The following PTGER3 variants were observed in gnomAD, a reference collection of about 807,000 sequenced individuals.
PTGER3 encodes prostaglandin E2 receptor EP3 subtype.
PTGER3 carries 22 observed loss-of-function variants against 34.7 expected under a neutral mutation model. The ratio of observed to expected loss-of-function variants is 0.63; its 90% confidence interval spans 0.45 to 0.91. The LOEUF (loss-of-function observed/expected upper bound fraction) is 0.91. PTGER3 is among the 40% of genes least tolerant of loss of function. The probability of loss-of-function intolerance (pLI) is 0.00; values close to 1 mark genes in which losing one functional copy is unlikely to be tolerated. For missense variants in PTGER3, 468 were observed against 519.4 expected (o/e 0.90, Z 0.96); for synonymous variants, 241 against 230.1 (o/e 1.05, Z -0.43).
At chr1:71,021,862 C>A (rs1658452962) in intron 1 of PTGER3, among the ~76,000 whole-genome samples, 1 of 151,734 alleles carries the variant, frequency 6.6e-6, no homozygotes. Context: ...ATGGACCATC[C>A]TTCATATGCA....
At chr1:70,950,514 G>A (rs980304360), downstream of PTGER3, among the ~76,000 whole-genome samples, 1 of 152,160 alleles carries the variant, frequency 6.6e-6, no homozygotes, top group Admixed American at 6.6e-5. Context: ...AGGAGCAAGC[G>A]TATTGGCAAT....
chr1:71,028,326 A>C (rs1404298796), intron 1 of PTGER3, among the ~76,000 whole-genome samples: 3 of 152,198 alleles, frequency 2.0e-5, no homozygotes, highest in African/African-American at 7.2e-5. Context: ...ACTTGCGGGG[A>C]ACAAGCCGTA....
chr1:70,983,935 G>A (rs554086341), intron 2 of PTGER3, among the ~76,000 whole-genome samples: 1 of 152,222 alleles, frequency 6.6e-6, no homozygotes, highest in South Asian at 2.1e-4. Context: ...TTCCTGAAAG[G>A]TCCTAGTCCC....
At chr1:70,989,299 T>C (rs1288406315) in intron 2 of PTGER3, among the ~76,000 whole-genome samples, 2 of 152,124 alleles carry the variant, frequency 1.3e-5, no homozygotes, top group Non-Finnish European at 2.9e-5. Context: ...GAAGTTGGGA[T>C]AATCAAATAA....
chr1:70,945,658 C>T (rs1168565442), intron 4 of PTGER3, among the ~76,000 whole-genome samples: 1 of 152,056 alleles, frequency 6.6e-6, no homozygotes, highest in African/African-American at 2.4e-5. Flanking sequence ...ACTCATAAAA[C>T]AGCCATTCCT....
intron 2 of PTGER3, among the ~76,000 whole-genome samples, chr1:70,998,710 T>C (rs141515633): frequency 6.6e-6 from 1 of 152,208 alleles, no homozygotes; most frequent in Non-Finnish European, 1.5e-5. Flanking sequence ...ATTTCTCAAA[T>C]ACATCACAGT....
intron 4 of PTGER3, among the ~76,000 whole-genome samples, chr1:70,905,931 TTGCCACA>T (rs1646937881): frequency 6.6e-6 from 1 of 152,202 alleles, no homozygotes; most frequent in Non-Finnish European, 1.5e-5. Flanking sequence ...ACTCTCACAA[TTGCCACA>T]TGTCATGGGA....
At chr1:70,920,726 A>G (rs1288102906) in intron 4 of PTGER3, among the ~76,000 whole-genome samples, 1 of 152,216 alleles carries the variant, frequency 6.6e-6, no homozygotes, top group Non-Finnish European at 1.5e-5. Context: ...AGCATGTCCT[A>G]AGAACAAGGT....
At chr1:70,866,248 C>T (rs548853650) in intron 4 of PTGER3, among the ~76,000 whole-genome samples, 2 of 152,308 alleles carry the variant, frequency 1.3e-5, no homozygotes, top group East Asian at 3.9e-4. Flanking sequence ...ATCATTAAGA[C>T]TTCCTCAGAA....
rs140380968 is a variant in PTGER3 at position 70,863,024 on chromosome 1, T to C, written c.*24-10165A>G. ...TCGGAGACACTTGTAGGATGTAAAG[T>C]CAAGAGGATTGGTGGTAGGTTATTT... On this transcript the variant is annotated intron_variant, in intron 4 of 4. Transcript: ENST00000370931. Among the ~76,000 whole-genome samples, 244 of 151,870 alleles carry C rather than the reference T, an allele frequency of 1.6e-3. 2 individuals carry two copies. Among genetic ancestry groups the C allele is most frequent in the African/African-American group, 5.3e-3 (221 of 41,414 alleles).
At chr1:70,856,477 C>T (rs953847596) in intron 4 of PTGER3, among the ~76,000 whole-genome samples, 1 of 142,168 alleles carries the variant, frequency 7.0e-6, no homozygotes, top group Non-Finnish European at 1.5e-5. Context: ...TTGATAGTAA[C>T]ATCAGCATCA....
intron 4 of PTGER3, among the ~76,000 whole-genome samples, chr1:70,913,886 A>G (rs1310714624): frequency 1.3e-5 from 2 of 151,816 alleles, no homozygotes; most frequent in African/African-American, 4.8e-5. Flanking sequence ...AATTTAACAA[A>G]AATGTTTGTG....
chr1:70,933,619 C>T lies in PTGER3; in HGVS notation c.*23+20144G>A, dbSNP rs533261578. ...GTACCAAATAAACAGTTGCTGGGAA[C>T]ATGAAGGGAGAAAGTGACTACTTCA... On this transcript the variant is annotated intron_variant, in intron 4 of 4. Transcript: ENST00000370931. 1.9e-3 allele frequency among the ~76,000 whole-genome samples: 282 copies of T among 152,272 alleles called. 1 individual carries two copies. The highest frequency in any genetic ancestry group is 6.8e-3 in the Middle Eastern group (2 of 294).
chr1:70,871,310 C>G (rs530525820), intron 4 of PTGER3, among the ~76,000 whole-genome samples: 2 of 152,250 alleles, frequency 1.3e-5, no homozygotes, highest in African/African-American at 4.8e-5. Context: ...CTCATGAGAA[C>G]TTGCTCACCA....
chr1:70,926,574 T>C (rs1324399993), intron 4 of PTGER3, among the ~76,000 whole-genome samples: 1 of 152,168 alleles, frequency 6.6e-6, no homozygotes, highest in Non-Finnish European at 1.5e-5. Flanking sequence ...CTTAAGGAGA[T>C]TTTGGGCTGA....
chr1:70,962,190 G>C (rs1651999052), intron 2 of PTGER3, among the ~76,000 whole-genome samples: 1 of 152,190 alleles, frequency 6.6e-6, no homozygotes, highest in Admixed American at 6.5e-5. Context: ...AGCCTAAGCT[G>C]CTCCTCTAAG....
intron 4 of PTGER3, among the ~76,000 whole-genome samples, chr1:70,859,833 A>G (rs926123840): frequency 6.6e-6 from 1 of 152,234 alleles, no homozygotes; most frequent in Non-Finnish European, 1.5e-5. Context: ...GATGTTTCGT[A>G]TGGCAGAATC....
chr1:70,891,658 G>A (rs1469431146), intron 4 of PTGER3, among the ~76,000 whole-genome samples: 1 of 152,192 alleles, frequency 6.6e-6, no homozygotes, highest in African/African-American at 2.4e-5. Context: ...ATACCCTCCA[G>A]GGCAGGAGCT....
chr1:70,876,754 A>G (rs1363905276), intron 4 of PTGER3, among the ~76,000 whole-genome samples: 2 of 152,090 alleles, frequency 1.3e-5, no homozygotes, highest in Non-Finnish European at 2.9e-5. Context: ...TGTCAAAAAC[A>G]AGATGCCTGT....
Sources: gnomAD v4.1 joint callset for allele counts (sites outside exome capture counted in the v4.1 genomes callset) on GRCh38, gnomAD v4.1.1 for gene constraint, MANE v1.5 for transcripts, NCBI Gene and HGNC (gene_info 2026-07-23, HGNC 2026-07-21) for gene names.